MAGI2: variants seen among roughly 807,000 people sequenced by gnomAD.
MAGI2 encodes membrane-associated guanylate kinase, WW and PDZ domain-containing protein 2.
Under a neutral mutation model 133.3 loss-of-function variants are expected in MAGI2, and 35 were observed. The observed-to-expected ratio is 0.26, with a 90% CI of 0.20 to 0.35. MAGI2 has a LOEUF of 0.35. MAGI2 is among the 10% of genes least tolerant of loss of function. The pLI, the probability that MAGI2 is intolerant of heterozygous loss-of-function variation, is 1.00. For missense variants in MAGI2, 1,636 were observed against 1,863.4 expected, an observed-to-expected ratio of 0.88 and a Z score of 2.25; for synonymous variants, 729 against 710.6, an observed-to-expected ratio of 1.03 and a Z score of -0.41.
At chr7:79,304,590 C>T (rs1837641803) in intron 1 of MAGI2, among the ~76,000 whole-genome samples, 2 of 151,774 alleles carry the variant, frequency 1.3e-5, no homozygotes, top group African/African-American at 4.8e-5. Context: ...AAGCTGAAAA[C>T]TTCCATGATT....
chr7:79,207,423 C>T (rs1450930873), intron 1 of MAGI2, among the ~76,000 whole-genome samples: 1 of 151,924 alleles, frequency 6.6e-6, no homozygotes, highest in African/African-American at 2.4e-5. Flanking sequence ...TACACACTAA[C>T]AGTGAACTGT....
At chr7:78,958,142 T>C (rs73375269) in intron 2 of MAGI2, among the ~76,000 whole-genome samples, 2,773 of 152,266 alleles carry the variant, frequency 0.018, 64 homozygotes, top group African/African-American at 0.063. Context: ...GCTCTCCTGT[T>C]TATTTCCTTT....
intron 1 of MAGI2, among the ~76,000 whole-genome samples, chr7:79,405,921 C>CAAA (rs34025242): frequency 6.5e-5 from 7 of 107,300 alleles, no homozygotes; most frequent in African/African-American, 1.3e-4. Context: ...AACCACAACA[C>CAAA]AAAAAAAAAA....
At chr7:78,975,993 C>T (rs1804212312) in intron 2 of MAGI2, among the ~76,000 whole-genome samples, 1 of 151,480 alleles carries the variant, frequency 6.6e-6, no homozygotes, top group South Asian at 2.1e-4. Flanking sequence ...TTGAGTAGAT[C>T]CATATTTATC....
intron 1 of MAGI2, among the ~76,000 whole-genome samples, chr7:79,024,236 G>C (rs546084258): frequency 2.6e-5 from 4 of 152,156 alleles, no homozygotes; most frequent in Non-Finnish European, 4.4e-5. Context: ...AATGGGGAAA[G>C]TATCCCTATT....
chr7:78,943,278 T>C (rs1182537380), intron 2 of MAGI2, among the ~76,000 whole-genome samples: 1 of 152,078 alleles, frequency 6.6e-6, no homozygotes, highest in Non-Finnish European at 1.5e-5. Flanking sequence ...TTTAAAAAAA[T>C]TGGCAAGTAG....
intron 2 of MAGI2, among the ~76,000 whole-genome samples, chr7:78,757,305 T>TTC (rs3086250): frequency 0.079 from 11,444 of 145,270 alleles, 517 homozygotes; most frequent in Admixed American, 0.11. Flanking sequence ...TTCTCCCTCC[T>TTC]TCTCTCTCTC....
At chr7:78,303,523 C>G (rs1489747607) in intron 9 of MAGI2, among the ~76,000 whole-genome samples, 2 of 151,844 alleles carry the variant, frequency 1.3e-5, no homozygotes, top group Non-Finnish European at 2.9e-5. Flanking sequence ...TTTTATAGTT[C>G]CAAATGAAAG....
intron 1 of MAGI2, among the ~76,000 whole-genome samples, chr7:79,131,482 G>C (rs1820932985): frequency 6.6e-6 from 1 of 152,134 alleles, no homozygotes; most frequent in Admixed American, 6.5e-5. Context: ...TAAGTACTTT[G>C]ACATTCATTA....
At chr7:79,155,810 G>A (rs889951654) in intron 1 of MAGI2, among the ~76,000 whole-genome samples, 1 of 152,148 alleles carries the variant, frequency 6.6e-6, no homozygotes, top group Non-Finnish European at 1.5e-5. Context: ...ATGGGGTCAA[G>A]TCAGAAGGCC....
chr7:78,375,575 C>CT (rs1562909317), intron 6 of MAGI2, among the ~76,000 whole-genome samples: 2 of 151,320 alleles, frequency 1.3e-5, no homozygotes, highest in South Asian at 2.1e-4. Context: ...GTTGACTAGC[C>CT]TTTTTAAAAA....
rs1184279227 is a variant in MAGI2, at chr7:79,214,389, CTCTCTCTCTCTCTCTCTCTATA to C, written c.302-207205_302-207184del. Among the ~76,000 whole-genome samples the C allele has an allele frequency of 1.6e-3, 149 of 92,690 alleles. 1 individual carries two copies. Among genetic ancestry groups the C allele is most frequent in the Middle Eastern group, 5.2e-3 (1 of 194 alleles). The allele number at this position is 92,690 out of a possible 152,430, so 60.8% of individuals were successfully genotyped here. On this transcript the variant is annotated intron_variant, in intron 1 of 21. Transcript: ENST00000354212. ...TCTCTCTCTCTCTCTCTCTCTCTCT[CTCTCTCTCTCTCTCTCTCTATA>C]TATATATATATATATATATATATAT... is the stretch of plus-strand genomic sequence containing the variant.
chr7:78,532,947 T>A (rs981488585), intron 3 of MAGI2, among the ~76,000 whole-genome samples: 1 of 110,598 alleles, frequency 9.0e-6, no homozygotes, highest in Non-Finnish European at 2.0e-5. Context: ...CAACTAATTC[T>A]TTTTTTTTTT....
intron 1 of MAGI2, among the ~76,000 whole-genome samples, chr7:79,024,175 T>C (rs1429708648): frequency 1.3e-5 from 2 of 151,880 alleles, no homozygotes; most frequent in African/African-American, 4.8e-5. Flanking sequence ...CTATGAATAA[T>C]TCCCCACACC....
intron 14 of MAGI2, among the ~76,000 whole-genome samples, chr7:78,172,392 G>C (rs1826202265): frequency 6.6e-6 from 1 of 152,192 alleles, no homozygotes; most frequent in Admixed American, 6.5e-5. Context: ...CTGTGCCAAA[G>C]ACTAGGTCTG....
chr7:79,242,649 C>T (rs1832506684), intron 1 of MAGI2, among the ~76,000 whole-genome samples: 1 of 152,066 alleles, frequency 6.6e-6, no homozygotes, highest in South Asian at 2.1e-4. Flanking sequence ...TTTAGTCTTT[C>T]TTTGTATTCT....
intron 20 of MAGI2, among the ~76,000 whole-genome samples, chr7:78,082,716 C>A (rs185892870): frequency 6.6e-6 from 1 of 152,072 alleles, no homozygotes; most frequent in African/African-American, 2.4e-5. Flanking sequence ...GGTAATGGAA[C>A]GAAAATGCTG....
chr7:78,401,341 C>T (rs1037823934), intron 6 of MAGI2, among the ~76,000 whole-genome samples: 1 of 152,144 alleles, frequency 6.6e-6, no homozygotes, highest in Non-Finnish European at 1.5e-5. Context: ...CTTTCAACCC[C>T]TAAGATGAAA....
chr7:78,658,776 C>G (rs1428492220), intron 2 of MAGI2, among the ~76,000 whole-genome samples: 2 of 152,090 alleles, frequency 1.3e-5, no homozygotes, highest in Non-Finnish European at 2.9e-5. Context: ...TTACTATACA[C>G]CTATCACGAC....
Sources: allele counts gnomAD v4.1 joint callset (sites outside exome capture counted in the v4.1 genomes callset), GRCh38; gene constraint gnomAD v4.1.1; transcripts MANE v1.5; gene names NCBI Gene and HGNC (gene_info 2026-07-23, HGNC 2026-07-21).